Variants in MEX3C observed in about 807,000 individuals in gnomAD.
The protein encoded by MEX3C is RNA-binding E3 ubiquitin-protein ligase MEX3C.
A neutral mutation model predicts 35.5 loss-of-function variants in MEX3C; 15 were observed. That is an observed-to-expected ratio of 0.42 (90% CI 0.28 to 0.65). MEX3C has a LOEUF of 0.65. MEX3C is among the 30% of genes least tolerant of loss of function. The pLI, the probability that MEX3C is intolerant of heterozygous loss-of-function variation, is 0.20. For synonymous variants in MEX3C, 390 were observed against 352.8 expected, an observed-to-expected ratio of 1.11 and a Z score of -1.18; for missense variants, 711 against 842.8, an observed-to-expected ratio of 0.84 and a Z score of 1.94.
At chr18:51,196,378 G>A (rs1912787218) in intron 1 of MEX3C, 189 bp downstream of exon 1, 3 of 1,295,586 alleles carry the variant, frequency 2.3e-6, no homozygotes, top group Non-Finnish European at 3.1e-6. Context: ...CAAGACGGGC[G>A]GAAAAGCGTG....
At chr18:51,185,493 A>AC (rs1414684092) in intron 1 of MEX3C, among the ~76,000 whole-genome samples, 4 of 152,150 alleles carry the variant, frequency 2.6e-5, no homozygotes, top group African/African-American at 9.7e-5. Context: ...GTCTGCATAA[A>AC]CACCTGCAAC....
chr18:51,196,947 A>C lies in MEX3C; in HGVS notation c.374T>G (p.Leu125Arg). 6.5e-7 allele frequency: 1 copy of C among 1,543,746 alleles called. No individual in the cohort carries two copies. Among genetic ancestry groups the C allele is most frequent in the Non-Finnish European group, 8.7e-7 (1 of 1,145,686 alleles). The change falls in exon 1 of 2, where the codon CTG becomes CGG. Residue 125 changes from leucine (L) to arginine (R), a missense_variant. Leu to Arg is a moderately radical substitution (Grantham distance 102). Around this residue, in one of 4 missense-constraint regions of MEX3C, gnomAD observed 354 missense variants for 311.6 expected, o/e 1.14. Transcript: ENST00000406189. ...TGCTTCCTCCAGCTCCTCCTCCTCC[A>C]GCAGGTCTCCGTCCAGCTCCGCTTC... is the stretch of plus-strand genomic sequence containing the variant. Reference protein sequence around the residue: ...GEEAELDGDLLEEEELEEAEE... With the variant: ...GEEAELDGDLREEEELEEAEE...
chr18:51,185,769 T>C (rs1912523420), intron 1 of MEX3C, among the ~76,000 whole-genome samples: 1 of 151,958 alleles, frequency 6.6e-6, no homozygotes, highest in Admixed American at 6.6e-5. Context: ...AATCTAAAAA[T>C]CAAGTAAGGG....
At chr18:51,179,903 T>C (rs569948737) in intron 1 of MEX3C, among the ~76,000 whole-genome samples, 3 of 152,276 alleles carry the variant, frequency 2.0e-5, no homozygotes, top group South Asian at 2.1e-4. Flanking sequence ...AAGTTCACAG[T>C]GGGCTACAAC....
Position 51,176,284 on chromosome 18 carries a change from G to C in MEX3C, c.*67C>G. The C allele has an allele frequency of 7.2e-7, 1 of 1,381,014 alleles. No individual in the cohort carries two copies. Among genetic ancestry groups the C allele is most frequent in the Non-Finnish European group, 9.7e-7 (1 of 1,027,908 alleles). The allele number at this position is 1,381,014 out of a possible 1,614,324, so 85.5% of individuals were successfully genotyped here. ...AGAAATCATTAGGAAGTTTACTGGG[G>C]GGTACCATTATACCCATGCCTTTAC... On this transcript the variant is annotated 3_prime_UTR_variant, in exon 2 of 2. Coordinates refer to ENST00000406189, the MANE Select transcript of MEX3C (RefSeq NM_016626.5).
intron 1 of MEX3C, chr18:51,193,050 G>A (rs1912685652): frequency 6.6e-6 from 1 of 152,146 alleles, no homozygotes; most frequent in Admixed American, 6.5e-5. Context: ...AGAGCTTGAA[G>A]GGTGGTTCCA....
At chr18:51,189,227 GAGA>G (rs1347799421) in intron 1 of MEX3C, among the ~76,000 whole-genome samples, 5 of 152,132 alleles carry the variant, frequency 3.3e-5, no homozygotes, top group Admixed American at 1.3e-4. Flanking sequence ...TTGCAAAATT[GAGA>G]AGATTTTGCA....
chr18:51,187,402 C>A (rs1366246024), intron 1 of MEX3C, among the ~76,000 whole-genome samples: 4 of 152,200 alleles, frequency 2.6e-5, no homozygotes, highest in African/African-American at 7.2e-5. Context: ...TGACTATCTG[C>A]AGGACTCGGA....
intron 1 of MEX3C, among the ~76,000 whole-genome samples, chr18:51,185,984 T>A (rs1912529223): frequency 6.6e-6 from 1 of 152,010 alleles, no homozygotes; most frequent in Non-Finnish European, 1.5e-5. Flanking sequence ...TACTAGGAGA[T>A]TATGTTTATG....
In MEX3C at chr18:51,197,060, C is replaced by G. The variant is rs1023437471; in HGVS notation, c.261G>C (p.Leu87=). 5.6e-6 allele frequency: 8 copies of G among 1,426,846 alleles called. No individual in the cohort carries two copies. The Admixed American group carries it at 8.7e-5, about 15-fold the overall frequency. 88.4% of individuals were successfully genotyped at this position (1,426,846 alleles called of 1,614,324 possible). ...AQGQARRAAE[L]SPEERAPPGR... is the part of the protein sequence containing the mutation. ...CGGGCGGAGCCCGCTCCTCTGGAGA[C>G]AGCTCCGCCGCCCGCCGGGCCTGGC... The change falls in exon 1 of 2, where the codon CTG becomes CTC. Residue 87 remains leucine (L), a synonymous_variant. Transcript: ENST00000406189.
rs1912289533 is a variant in MEX3C, at chr18:51,175,859, A to G, written c.*492T>C. ...TAAAAAGTTACTTGCAATCCTGCAG[A>G]ATTAGGCATATGTTGTTGTAAAATA... On this transcript the variant is annotated 3_prime_UTR_variant, in exon 2 of 2. Transcript: ENST00000406189. 6.5e-6 allele frequency: 1 copy of G among 153,052 alleles called. No homozygotes were observed. 9.5% of individuals were successfully genotyped at this position (153,052 alleles called of 1,614,324 possible). A position where few individuals can be genotyped will look rare whatever the true frequency, so the allele number is the denominator to read the frequency against.
intron 1 of MEX3C, among the ~76,000 whole-genome samples, chr18:51,191,213 G>A (rs1324200829): frequency 6.6e-6 from 1 of 152,144 alleles, no homozygotes; most frequent in East Asian, 1.9e-4. Flanking sequence ...GCACATAGTT[G>A]TCATATACTT....
chr18:51,192,287 A>G (rs1912668260), intron 1 of MEX3C, among the ~76,000 whole-genome samples: 1 of 152,176 alleles, frequency 6.6e-6, no homozygotes, highest in Non-Finnish European at 1.5e-5. Context: ...GCAGGAAGAA[A>G]GGCAGTAGAT....
intron 1 of MEX3C, 87 bp downstream of exon 1, chr18:51,196,480 G>A (rs931341856): frequency 4.2e-5 from 63 of 1,489,390 alleles, no homozygotes; most frequent in Non-Finnish European, 5.2e-5. Flanking sequence ...CGCCGGGTTC[G>A]CCTTTTCCGT....
At position 51,176,724 on chromosome 18, in the gene MEX3C, C is replaced by A. The variant is rs367763550; in HGVS notation, c.1607G>T (p.Gly536Val). The A allele has an allele frequency of 6.2e-7, 1 of 1,613,888 alleles. No individual in the cohort carries two copies. Among genetic ancestry groups the A allele is most frequent in the African/African-American group, 1.3e-5 (1 of 74,900 alleles). The change falls in exon 2 of 2, where the codon GGA (glycine) becomes GTA (valine). Residue 536 changes from glycine to valine, a missense_variant. Transcript: ENST00000406189. ...CAGACGAGGAGTAGATGGCTGACTT[C>A]CTCTGCGCTGAGTCTTCATGTTACC... ...PSGNMKTQRR[G>V]SQPSTPRLSP...
Position 51,176,769 on chromosome 18 carries a change from C to A in MEX3C, c.1562G>T (p.Gly521Val). 1 of 1,613,940 alleles carries A rather than the reference C, an allele frequency of 6.2e-7. No homozygotes were observed. The highest frequency in any genetic ancestry group is 8.5e-7 in the Non-Finnish European group (1 of 1,179,890). Residue 521 changes from glycine to valine, a missense_variant, in exon 2 of 2, where the codon GGC (glycine) becomes GTC (valine). Physicochemically the swap from Gly to Val is moderately radical, Grantham distance 109 (BLOSUM62 -3). Transcript: ENST00000406189. ...TPFEPVNPLS[G>V]FGSDPSGNMK... ...GTTACCAGAAGGATCACTCCCAAAGCCAGAGAGTGGGTTAACTGGTTCAAA... is the reference window on the plus strand; with the variant it reads ...GTTACCAGAAGGATCACTCCCAAAGACAGAGAGTGGGTTAACTGGTTCAAA...
In MEX3C at chr18:51,197,237, T is replaced by G. The variant is rs996027193; in HGVS notation, c.84A>C (p.Pro28=). 2.2e-4 allele frequency: 212 copies of G among 981,194 alleles called. No homozygotes were observed. Among genetic ancestry groups the G allele is most frequent in the South Asian group, 6.4e-4 (14 of 21,878 alleles). 60.8% of individuals were successfully genotyped at this position (981,194 alleles called of 1,614,324 possible). ...LPQPPPPPPP[P]PPPLPPPSGG... ...CCGAGGGCGGCGGCAGAGGCGGCGG[T>G]GGCGGCGGCGGCGGCGGGGGCGGCT... Residue 28 remains proline, a synonymous_variant, in exon 1 of 2, where the codon CCA becomes CCC. Transcript: ENST00000406189.
intron 1 of MEX3C, among the ~76,000 whole-genome samples, chr18:51,186,745 G>A (rs955925501): frequency 1.3e-5 from 2 of 151,882 alleles, no homozygotes; most frequent in Non-Finnish European, 2.9e-5. Context: ...TGCAAGGCTG[G>A]GGCTATGTAT....
At chr18:51,191,196 C>T (rs1912642461) in intron 1 of MEX3C, among the ~76,000 whole-genome samples, 3 of 152,116 alleles carry the variant, frequency 2.0e-5, no homozygotes, top group African/African-American at 4.8e-5. Context: ...CATGGCTCTC[C>T]TTGTGGGCAC....
Sources: allele counts gnomAD v4.1 joint callset (sites outside exome capture counted in the v4.1 genomes callset), GRCh38; gene constraint gnomAD v4.1.1; regional missense constraint gnomAD v4.1.1; transcripts MANE v1.5; gene names NCBI Gene and HGNC (gene_info 2026-07-23, HGNC 2026-07-21).